The following CDK18 variants were observed in gnomAD, a reference collection of about 807,000 sequenced individuals.
The protein encoded by CDK18 is cyclin dependent kinase 18, also known as cyclin-dependent kinase 18.
Under a neutral mutation model 62.0 loss-of-function variants are expected in CDK18, and 52 were observed. That is an observed-to-expected ratio of 0.84 (90% CI 0.67 to 1.06). The LOEUF (loss-of-function observed/expected upper bound fraction) is 1.06, where lower values mean the gene tolerates loss of function less well. CDK18 is among the 50% of genes least tolerant of loss of function. CDK18 has a pLI of 0.00. For synonymous variants in CDK18, 237 were observed against 247.0 expected, an observed-to-expected ratio of 0.96 and a Z score of 0.38; for missense variants, 604 against 619.9, an observed-to-expected ratio of 0.97 and a Z score of 0.27.
chr1:205,505,327 G>C (rs73072400), intron 1 of CDK18, among the ~76,000 whole-genome samples: 56 of 152,296 alleles, frequency 3.7e-4, no homozygotes, highest in African/African-American at 1.1e-3. Flanking sequence ...CGGCAGGCAG[G>C]GGGTGGGAGG....
Position 205,525,191 on chromosome 1 carries a change from G to A in CDK18, c.452G>A (p.Gly151Glu). 1 of 1,610,448 alleles carries A rather than the reference G, an allele frequency of 6.2e-7. No individual in the cohort carries two copies. The highest frequency in any genetic ancestry group is 8.5e-7 in the Non-Finnish European group (1 of 1,177,208). Residue 151 changes from glycine (G) to glutamate (E), a missense_variant, in exon 5 of 16, where the codon GGA (glycine) becomes GAA (glutamate). By Grantham distance (98) the Gly-to-Glu change is moderately conservative. Coordinates refer to ENST00000429964, the MANE Select transcript of CDK18 (RefSeq NM_212502.3). Reference sequence around the variant, plus strand: ...ACATACGTGAAACTGGACAAACTGGGAGAGGTAAGACGCTGGGTTTGGTCT... The same window carrying A: ...ACATACGTGAAACTGGACAAACTGGAAGAGGTAAGACGCTGGGTTTGGTCT... ...LETYVKLDKL[G>E]EGTYATVFKG...
At chr1:205,504,916 T>G (rs1224837357) in intron 1 of CDK18, 120 bp downstream of exon 1, 2 of 152,312 alleles carry the variant, frequency 1.3e-5, no homozygotes, top group Non-Finnish European at 2.9e-5. Context: ...GTTTTGCTTT[T>G]GCCCTGAGGC....
chr1:205,524,383 A>G (rs753854052), intron 4 of CDK18, 26 bp downstream of exon 4: 1 of 1,613,808 alleles, frequency 6.2e-7, no homozygotes, highest in Non-Finnish European at 8.5e-7. Flanking sequence ...GTCAGAGGAC[A>G]CAAGGTGGGG....
Position 205,516,221 on chromosome 1 carries a change from A to T in CDK18, c.-21-6926A>T, listed in dbSNP as rs1214166331. Among the ~76,000 whole-genome samples the T allele has an allele frequency of 6.6e-6, 1 of 152,114 alleles. No homozygotes were observed. Among genetic ancestry groups the T allele is most frequent in the African/African-American group, 2.4e-5 (1 of 41,424 alleles). ...GGCACAGTTCTCCCTGGGAGGAGGG[A>T]GTGTCTCTGAGGTCCTAGCTCATGA... On this transcript the variant is annotated intron_variant, in intron 1 of 15. Coordinates refer to ENST00000429964, the MANE Select transcript of CDK18 (RefSeq NM_212502.3). The surrounding 1 kb of genome is among the most constrained non-coding windows in gnomAD (Gnocchi z 4.8).
At chr1:205,519,626 C>T (rs12406918) in intron 1 of CDK18, among the ~76,000 whole-genome samples, 32,257 of 152,060 alleles carry the variant, frequency 0.21, 3,559 homozygotes, top group South Asian at 0.32. Flanking sequence ...CTGCTTGGCC[C>T]CACATTCCTG....
At chr1:205,525,340 C>T in intron 5 of CDK18, 145 bp downstream of exon 5, 3 of 521,906 alleles carry the variant, frequency 5.7e-6, no homozygotes, top group South Asian at 6.9e-5. Flanking sequence ...ACAGTCTTGG[C>T]TGTGCGCTCT....
At position 205,527,122 on chromosome 1, in the gene CDK18, C is replaced by T; in HGVS notation, c.729+285C>T. 4.6e-6 allele frequency: 2 copies of T among 435,488 alleles called. No homozygotes were observed. Among genetic ancestry groups the T allele is most frequent in the South Asian group, 7.8e-5 (2 of 25,780 alleles). 27.0% of individuals were successfully genotyped at this position (435,488 alleles called of 1,614,324 possible). A position where few individuals can be genotyped will look rare whatever the true frequency, so the allele number is the denominator to read the frequency against. On this transcript the variant is annotated intron_variant, in intron 8 of 15. Transcript: ENST00000429964. The surrounding 1 kb of genome is among the most constrained non-coding windows in gnomAD (Gnocchi z 4.1). ...GTCTGTCAAATGGGAGTGTGAGCTA[C>T]CTGCCAAAATGCAGGGAGGCTTCTG...
intron 1 of CDK18, among the ~76,000 whole-genome samples, chr1:205,520,479 C>T (rs1668061215): frequency 1.3e-5 from 2 of 152,044 alleles, no homozygotes; most frequent in Non-Finnish European, 2.9e-5. Context: ...AGGGGCAGAT[C>T]ACTTGAGGTC....
At chr1:205,507,165 C>T (rs966262748) in intron 1 of CDK18, among the ~76,000 whole-genome samples, 2 of 152,198 alleles carry the variant, frequency 1.3e-5, no homozygotes, top group Non-Finnish European at 2.9e-5. Context: ...CTGATTCCTT[C>T]TGTTCTTCTC....
Position 205,530,218 on chromosome 1 carries a change from C to T in CDK18, c.1222-41C>T, listed in dbSNP as rs774347054. The T allele has an allele frequency of 2.5e-6, 4 of 1,604,832 alleles. No individual in the cohort carries two copies. The South Asian group carries it at 3.3e-5, about 13-fold the overall frequency. ...GTCCTGCTGCCCAGAGGGTTTGCAG[C>T]CCCCCAGCCGGGCCCAATAGCCCCA... On this transcript the variant is annotated intron_variant, in intron 13 of 15. Coordinates refer to ENST00000429964, the MANE Select transcript of CDK18 (RefSeq NM_212502.3).
intron 1 of CDK18, among the ~76,000 whole-genome samples, chr1:205,514,247 AG>A (rs1667711852): frequency 6.6e-6 from 1 of 152,234 alleles, no homozygotes; most frequent in Admixed American, 6.5e-5. Flanking sequence ...GAGGAGATGC[AG>A]AGGTCCCCAT....
intron 1 of CDK18, among the ~76,000 whole-genome samples, chr1:205,522,274 G>A (rs1196222153): frequency 6.6e-6 from 1 of 152,018 alleles, no homozygotes; most frequent in African/African-American, 2.4e-5. Context: ...GTGGGGGTGG[G>A]CAGAGCAGCT....
chr1:205,521,403 A>G (rs1245422063), intron 1 of CDK18, among the ~76,000 whole-genome samples: 3 of 152,132 alleles, frequency 2.0e-5, no homozygotes, highest in Non-Finnish European at 4.4e-5. Context: ...TAGTAGAGAC[A>G]GGGTTTCGCC....
At chr1:205,511,206 T>G (rs1667552338) in intron 1 of CDK18, among the ~76,000 whole-genome samples, 1 of 152,228 alleles carries the variant, frequency 6.6e-6, no homozygotes. Context: ...AAAATAAAGT[T>G]TTGTGACCCT....
intron 1 of CDK18, among the ~76,000 whole-genome samples, chr1:205,508,994 C>G (rs1341586410): frequency 6.6e-6 from 1 of 151,648 alleles, no homozygotes; most frequent in African/African-American, 2.4e-5. Flanking sequence ...CCTAAAAATA[C>G]AAAAATTAGC....
chr1:205,526,722 C>T (rs1668451598), intron 7 of CDK18, 53 bp from the exon 8 acceptor site: 1 of 1,527,078 alleles, frequency 6.5e-7, no homozygotes. Flanking sequence ...TGTGTCTGGG[C>T]TTCTGGCCAG....
chr1:205,515,696 G>T (rs556178579), intron 1 of CDK18, among the ~76,000 whole-genome samples: 2 of 152,260 alleles, frequency 1.3e-5, no homozygotes, highest in Non-Finnish European at 2.9e-5. Context: ...GCTAGACACC[G>T]TGTGTTCCTC....
intron 5 of CDK18, among the ~76,000 whole-genome samples, 183 bp from the exon 6 acceptor site, chr1:205,525,882 C>T (rs1298964275): frequency 6.6e-6 from 1 of 152,164 alleles, no homozygotes; most frequent in Non-Finnish European, 1.5e-5. Flanking sequence ...TTCACTCCGA[C>T]TGGGGAGTCA....
rs1237090502 is a variant in CDK18, at chr1:205,529,787, G to A, written c.1221+224G>A. On this transcript the variant is annotated intron_variant, in intron 13 of 15. Coordinates refer to ENST00000429964, the MANE Select transcript of CDK18 (RefSeq NM_212502.3). ...CCCGTTACTTAGCTGTGTAGCTCTGGGCAAGTTACAGAGCTCCTCCATGCC... is the reference window on the plus strand; with the variant it reads ...CCCGTTACTTAGCTGTGTAGCTCTGAGCAAGTTACAGAGCTCCTCCATGCC... The A allele has an allele frequency of 2.7e-6, 4 of 1,476,226 alleles. No individual in the cohort carries two copies. In the African/African-American group the frequency reaches 4.2e-5, roughly 15 times the overall value. The allele number at this position is 1,476,226 out of a possible 1,614,324, so 91.4% of individuals were successfully genotyped here.
Sources: gnomAD v4.1 joint callset for allele counts (sites outside exome capture counted in the v4.1 genomes callset) on GRCh38, gnomAD v4.1.1 for gene constraint, Gnocchi (gnomAD v3.1) non-coding constraint, MANE v1.5 for transcripts, NCBI Gene and HGNC (gene_info 2026-07-23, HGNC 2026-07-21) for gene names.